The following KREMEN1 variants were observed in gnomAD, a reference collection of about 807,000 sequenced individuals.
The protein encoded by KREMEN1 is kremen protein 1.
In KREMEN1, 30 loss-of-function variants were observed where a neutral mutation model predicts 46.5. The ratio of observed to expected loss-of-function variants is 0.65; its 90% CI spans 0.48 to 0.88. The LOEUF (loss-of-function observed/expected upper bound fraction) is 0.88, where lower values mean the gene tolerates loss of function less well. Among genes scored for constraint, KREMEN1 ranks in the 40% least tolerant of loss-of-function variants. The probability of loss-of-function intolerance (pLI) is 0.00; values close to 1 mark genes in which losing one functional copy is unlikely to be tolerated. For missense variants in KREMEN1, 533 were observed against 596.9 expected (o/e 0.89, Z 1.11); for synonymous variants, 214 against 230.6 (o/e 0.93, Z 0.65).
chr22:29,109,688 A>G (rs1299679518), intron 3 of KREMEN1, among the ~76,000 whole-genome samples: 2 of 152,242 alleles, frequency 1.3e-5, no homozygotes, highest in Non-Finnish European at 2.9e-5. Flanking sequence ...TGAAAGCCCT[A>G]GTTTAGGAAG....
intron 9 of KREMEN1, among the ~76,000 whole-genome samples, chr22:29,151,916 A>G (rs2038917769): frequency 6.6e-6 from 1 of 151,518 alleles, no homozygotes; most frequent in African/African-American, 2.4e-5. Context: ...AGTCTGAGGC[A>G]GGAGAATTGC....
At chr22:29,151,714 A>G (rs575571977), downstream of KREMEN1, among the ~76,000 whole-genome samples, 1 of 152,308 alleles carries the variant, frequency 6.6e-6, no homozygotes, top group South Asian at 2.1e-4. Flanking sequence ...CCAAAATTAA[A>G]AAGTGTAAAA....
intron 1 of KREMEN1, among the ~76,000 whole-genome samples, chr22:29,092,004 G>A (rs1949543561): frequency 6.6e-6 from 1 of 152,162 alleles, no homozygotes; most frequent in Non-Finnish European, 1.5e-5. Flanking sequence ...AGGGGCTGAG[G>A]CTGCATCACA....
In KREMEN1 at chr22:29,138,799, G is replaced by A. The variant is rs956976525; in HGVS notation, c.1123+17G>A. ...CTGTCCCAGGTAGCAATTCCTGGGCGCCACCCATGGGGGCTGGAAGCCACA... is the reference window on the plus strand; with the variant it reads ...CTGTCCCAGGTAGCAATTCCTGGGCACCACCCATGGGGGCTGGAAGCCACA... On this transcript the variant is annotated intron_variant, in intron 7 of 8. Transcript: ENST00000400335. 30 of 1,614,112 alleles carry A rather than the reference G, an allele frequency of 1.9e-5. No individual in the cohort carries two copies. The highest frequency in any genetic ancestry group is 2.1e-5 in the Non-Finnish European group (25 of 1,180,038).
chr22:29,084,640 T>C (rs577326408), intron 1 of KREMEN1, among the ~76,000 whole-genome samples: 40 of 152,324 alleles, frequency 2.6e-4, no homozygotes, highest in African/African-American at 8.7e-4. Flanking sequence ...TTGATAATTA[T>C]TTGTTTTTTG....
intron 9 of KREMEN1, among the ~76,000 whole-genome samples, chr22:29,152,416 T>G (rs2033581493): frequency 6.6e-6 from 1 of 152,240 alleles, no homozygotes; most frequent in South Asian, 2.1e-4. Flanking sequence ...ACCCATGAGT[T>G]GGAACCATCA....
At chr22:29,125,110 T>C in intron 4 of KREMEN1, 153 bp from the exon 5 acceptor site, 3 of 714,734 alleles carry the variant, frequency 4.2e-6, no homozygotes, top group Non-Finnish European at 7.3e-6. Flanking sequence ...TGAAATTAAG[T>C]GTTGCAAGAG....
In KREMEN1 at chr22:29,145,442, C is replaced by T; in HGVS notation, c.*3330C>T. The T allele has an allele frequency of 1.0e-6, 1 of 985,628 alleles. No individual in the cohort carries two copies. Among genetic ancestry groups the T allele is most frequent in the African/African-American group, 1.7e-5 (1 of 57,362 alleles). 61.1% of individuals were successfully genotyped at this position (985,628 alleles called of 1,614,324 possible). On this transcript the variant is annotated 3_prime_UTR_variant, in exon 9 of 9. Coordinates refer to ENST00000400335, the MANE Select transcript of KREMEN1 (RefSeq NM_001039570.3). ...AGGCTGCACTGGGCCTGCGTGCCAT[C>T]CTCACCCCTGTTCCCCGCTGGCGCC...
rs1241560947 is a variant in KREMEN1, at chr22:29,146,622, T to C, written c.*4510T>C. On this transcript the variant is annotated 3_prime_UTR_variant, in exon 9 of 9. Coordinates refer to ENST00000400335, the MANE Select transcript of KREMEN1 (RefSeq NM_001039570.3). Reference sequence around the variant, plus strand: ...GCTTTATTTGTAAATATGCTCTTAATATGCAACTTTGAGAATAAAATAGAA... The same window carrying C: ...GCTTTATTTGTAAATATGCTCTTAACATGCAACTTTGAGAATAAAATAGAA... 3 of 981,514 alleles carry C rather than the reference T, an allele frequency of 3.1e-6. No individual in the cohort carries two copies. The highest frequency in any genetic ancestry group is 3.6e-6 in the Non-Finnish European group (3 of 826,004). The allele number at this position is 981,514 out of a possible 1,614,324, so 60.8% of individuals were successfully genotyped here.
intron 9 of KREMEN1, among the ~76,000 whole-genome samples, chr22:29,153,980 A>G (rs984307462): frequency 1.3e-5 from 2 of 151,704 alleles, no homozygotes; most frequent in African/African-American, 4.8e-5. Flanking sequence ...AAAAAAAAAA[A>G]AAAGAAAGAA....
rs914856972 is a variant in KREMEN1 at position 29,121,630 on chromosome 22, T to C, written c.477+149T>C. 4 of 943,166 alleles carry C rather than the reference T, an allele frequency of 4.2e-6. No individual in the cohort carries two copies. The Admixed American group carries it at 7.5e-5, about 18-fold the overall frequency. The allele number at this position is 943,166 out of a possible 1,614,324, so 58.4% of individuals were successfully genotyped here. ...TTCCACTTACATGAATTGTCTAGAATAGGCAAATCCATAGGGATAGAAAGC... is the reference window on the plus strand; with the variant it reads ...TTCCACTTACATGAATTGTCTAGAACAGGCAAATCCATAGGGATAGAAAGC... On this transcript the variant is annotated intron_variant, in intron 4 of 8. Transcript: ENST00000400335.
chr22:29,113,057 C>A (rs2038176930), intron 3 of KREMEN1, among the ~76,000 whole-genome samples: 1 of 152,180 alleles, frequency 6.6e-6, no homozygotes, highest in Non-Finnish European at 1.5e-5. Context: ...AATCTCAGGT[C>A]TCAGGGAGTC....
chr22:29,090,229 T>C (rs1490316320), intron 1 of KREMEN1, among the ~76,000 whole-genome samples: 14 of 152,240 alleles, frequency 9.2e-5, no homozygotes, highest in Non-Finnish European at 2.1e-4. Flanking sequence ...TGGCTCTGTG[T>C]GTGTGTGTTT....
rs182232754 is a variant in KREMEN1, at chr22:29,167,549, G to A, written c.*443G>A. 20 of 159,468 alleles carry A rather than the reference G, an allele frequency of 1.3e-4. No homozygotes were observed. The South Asian group carries it at 2.4e-3, about 19-fold the overall frequency. The allele number at this position is 159,468 out of a possible 1,614,324, so 9.9% of individuals were successfully genotyped here. On this transcript the variant is annotated 3_prime_UTR_variant, in exon 10 of 10. Transcript: ENST00000327813. ...CAGCAAGCAACCACAAAACCAGAGC[G>A]GAAGGAGGGACTTCCCACCGGCATC...
At chr22:29,119,919 AG>A (rs2038303848) in intron 3 of KREMEN1, among the ~76,000 whole-genome samples, 1 of 152,240 alleles carries the variant, frequency 6.6e-6, no homozygotes, top group Non-Finnish European at 1.5e-5. Flanking sequence ...TATCCAGGTG[AG>A]ACCAATGTAA....
intron 1 of KREMEN1, among the ~76,000 whole-genome samples, chr22:29,075,179 G>A (rs962369338): frequency 2.6e-5 from 4 of 152,254 alleles, no homozygotes; most frequent in Admixed American, 6.5e-5. Context: ...CATTCCGAGA[G>A]CCAGGATATG....
chr22:29,122,927 C>T (rs1409911927), intron 4 of KREMEN1, among the ~76,000 whole-genome samples: 4 of 104,054 alleles, frequency 3.8e-5, no homozygotes, highest in Non-Finnish European at 7.1e-5. Flanking sequence ...GGCAACAGGG[C>T]GAGACTCTGT....
At chr22:29,125,629 A>G (rs746137657) in intron 5 of KREMEN1, among the ~76,000 whole-genome samples, 3 of 152,182 alleles carry the variant, frequency 2.0e-5, no homozygotes, top group Non-Finnish European at 4.4e-5. Context: ...GGGATTAGCT[A>G]CAGTCATGCC....
intron 3 of KREMEN1, among the ~76,000 whole-genome samples, chr22:29,103,760 A>G (rs971769439): frequency 2.6e-5 from 4 of 152,246 alleles, no homozygotes; most frequent in African/African-American, 4.8e-5. Context: ...ACATTTGAAT[A>G]CAGACTGAGT....
Sources: allele counts gnomAD v4.1 joint callset (sites outside exome capture counted in the v4.1 genomes callset), GRCh38; gene constraint gnomAD v4.1.1; transcripts MANE v1.5; gene names NCBI Gene and HGNC (gene_info 2026-07-23, HGNC 2026-07-21).